The following NT5C1B variants were observed in gnomAD, a reference collection of about 807,000 sequenced individuals.
NT5C1B encodes cytosolic 5'-nucleotidase 1B.
A neutral mutation model predicts 57.8 loss-of-function variants in NT5C1B; 44 were observed. The observed-to-expected ratio is 0.76, with a 90% CI of 0.60 to 0.98. NT5C1B has a LOEUF of 0.98. Among genes scored for constraint, NT5C1B ranks in the 50% least tolerant of loss-of-function variants. The probability of loss-of-function intolerance (pLI) is 0.00; values close to 1 mark genes in which losing one functional copy is unlikely to be tolerated. For missense variants in NT5C1B, 742 were observed against 719.5 expected (o/e 1.03, Z -0.36); for synonymous variants, 284 against 282.6 (o/e 1.00, Z -0.05).
At chr2:18,566,777 C>G (rs1350289226) in intron 8 of NT5C1B, among the ~76,000 whole-genome samples, 2 of 152,112 alleles carry the variant, frequency 1.3e-5, no homozygotes, top group African/African-American at 2.4e-5. Context: ...AAAGCAAATA[C>G]TAGGGAGAGA....
In NT5C1B at chr2:18,584,066, C is replaced by T. The variant is rs1478259300; in HGVS notation, c.891+22G>A. The T allele has an allele frequency of 6.2e-7, 1 of 1,614,180 alleles. No homozygotes were observed. The highest frequency in any genetic ancestry group is 2.2e-5 in the East Asian group (1 of 44,864). On this transcript the variant is annotated intron_variant, in intron 5 of 8. Coordinates refer to ENST00000304081, the Ensembl canonical transcript of NT5C1B. The surrounding 1 kb of genome is among the most constrained non-coding windows in gnomAD (Gnocchi z 5.8). ...CCTCGCCATCGAGTGTCCTGGCGGG[C>T]CAAAGACAGCTTGCAGAATACCTTG...
chr2:18,588,867 C>CA (rs1453662605), intron 1 of NT5C1B, among the ~76,000 whole-genome samples: 1 of 152,190 alleles, frequency 6.6e-6, no homozygotes, highest in East Asian at 1.9e-4. Context: ...CTGCTACTTG[C>CA]ATGCCCTTCA....
intron 6 of NT5C1B, among the ~76,000 whole-genome samples, chr2:18,578,666 A>G (rs1665918021): frequency 6.6e-6 from 1 of 152,158 alleles, no homozygotes; most frequent in Non-Finnish European, 1.5e-5. Flanking sequence ...CTTCAAAATA[A>G]TAAGAGCCAT....
chr2:18,584,756 C>G lies in NT5C1B; in HGVS notation c.481G>C (p.Val161Leu), dbSNP rs772695136. ...TCCCGGGTCTGGCGGATTTCCCGCA[C>G]GATGCCTTGGGCCCAGGCCTCCGGA... The change falls in exon 4 of 9, where the codon GTG becomes CTG. Residue 161 changes from valine to leucine, a missense_variant. Val to Leu is a conservative substitution (Grantham distance 32). Transcript: ENST00000304081. The surrounding 1 kb of genome is among the most constrained non-coding windows in gnomAD (Gnocchi z 5.8). 1.2e-6 allele frequency: 2 copies of G among 1,613,530 alleles called. No homozygotes were observed. The highest frequency in any genetic ancestry group is 1.7e-6 in the Non-Finnish European group (2 of 1,179,764).
intron 1 of NT5C1B, among the ~76,000 whole-genome samples, chr2:18,589,124 A>G (rs1188197112): frequency 1.3e-5 from 2 of 152,252 alleles, no homozygotes; most frequent in Admixed American, 1.3e-4. Context: ...CATTCTTCAA[A>G]GACAGCCACT....
Position 18,586,677 on chromosome 2 carries a change from A to G in NT5C1B, c.121-286T>C. Reference sequence around the variant, plus strand: ...TGACTCCTCTTATGTGGATATTAGTATGGTTCACCATTGTTCCTCCCTTTT... The same window carrying G: ...TGACTCCTCTTATGTGGATATTAGTGTGGTTCACCATTGTTCCTCCCTTTT... On this transcript the variant is annotated intron_variant, in intron 2 of 8. Transcript: ENST00000304081. The G allele has an allele frequency of 1.2e-5, 7 of 579,548 alleles. No homozygotes were observed. In the South Asian group the frequency reaches 1.3e-4, roughly 11 times the overall value. 35.9% of individuals were successfully genotyped at this position (579,548 alleles called of 1,614,324 possible).
Position 18,576,172 on chromosome 2 carries a change from C to A in NT5C1B, c.1329+12G>T. 2.5e-6 allele frequency: 4 copies of A among 1,596,044 alleles called. No homozygotes were observed. Among genetic ancestry groups the A allele is most frequent in the Non-Finnish European group, 3.4e-6 (4 of 1,175,266 alleles). ...AAGTACATAAAAATTAATTAGCACT[C>A]ATTGAACCTACCTGAGCAAGAGGCT... On this transcript the variant is annotated intron_variant, in intron 8 of 8. Coordinates refer to ENST00000304081, the Ensembl canonical transcript of NT5C1B.
exon 6 of NT5C1B, chr2:18,582,928 G>A (rs1666310827): frequency 1.2e-6 from 2 of 1,613,956 alleles, no homozygotes; most frequent in Non-Finnish European, 1.7e-6. Flanking sequence ...TTAGTCATCA[G>A]TACAATATCA....
intron 8 of NT5C1B, among the ~76,000 whole-genome samples, chr2:18,573,866 C>T (rs529636557): frequency 2.4e-4 from 36 of 152,140 alleles, no homozygotes; most frequent in African/African-American, 8.4e-4. Context: ...TAAAGGAAAG[C>T]ATGTATACTA....
chr2:18,585,100 T>A, intron 3 of NT5C1B, 122 bp from the exon 4 acceptor site: 3 of 1,298,204 alleles, frequency 2.3e-6, no homozygotes, highest in Non-Finnish European at 3.3e-6. Flanking sequence ...CTCAGCTCCT[T>A]AAGTAGGGCT....
At chr2:18,586,298 C>T in exon 3 of NT5C1B, 2 of 1,614,104 alleles carry the variant, frequency 1.2e-6, no homozygotes, top group Non-Finnish European at 8.5e-7. Flanking sequence ...ATGGATGGAG[C>T]CTTGGTGGAT....
intron 6 of NT5C1B, among the ~76,000 whole-genome samples, chr2:18,579,124 GA>G (rs561859832): frequency 6.6e-6 from 1 of 151,702 alleles, no homozygotes; most frequent in South Asian, 2.1e-4. Context: ...AAACACTGCG[GA>G]AAAAAAATCA....
At chr2:18,579,044 C>A (rs971218762) in intron 6 of NT5C1B, among the ~76,000 whole-genome samples, 3 of 152,006 alleles carry the variant, frequency 2.0e-5, no homozygotes, top group Non-Finnish European at 4.4e-5. Context: ...TTTGCAATCA[C>A]CACACACAAA....
At chr2:18,576,301 T>C in exon 8 of NT5C1B, 1 of 1,613,848 alleles carries the variant, frequency 6.2e-7, no homozygotes, top group African/African-American at 1.3e-5. Context: ...CATCAAAGGC[T>C]ACACGGAGCT....
At chr2:18,563,966 A>T (rs1388352742) in exon 9 of NT5C1B, 1 of 1,614,212 alleles carries the variant, frequency 6.2e-7, no homozygotes, top group African/African-American at 1.3e-5. Flanking sequence ...TCTAGACCCC[A>T]GCGTCGAAGG....
Position 18,583,003 on chromosome 2 carries a change from G to C in NT5C1B, c.892-6C>G, listed in dbSNP as rs781627190. 9.3e-6 allele frequency: 15 copies of C among 1,612,386 alleles called. No homozygotes were observed. Among genetic ancestry groups the C allele is most frequent in the Non-Finnish European group, 1.3e-5 (15 of 1,179,216 alleles). ...GCATTGACATACTGTAGTGCCTGCA[G>C]GTTACAAACATGAATGTGTGTAAAG... is the stretch of plus-strand genomic sequence containing the variant. On this transcript the variant is annotated splice_region_variant and splice_polypyrimidine_tract_variant and intron_variant, in intron 5 of 8. Transcript: ENST00000304081.
exon 8 of NT5C1B, chr2:18,576,195 G>C: frequency 6.2e-7 from 1 of 1,611,250 alleles, no homozygotes; most frequent in South Asian, 1.1e-5. Context: ...TGAGCAAGAG[G>C]CTTACTTTCA....
rs893759386 is a variant in NT5C1B, at chr2:18,566,563, G to T, written c.1330-2444C>A. ...GCAGTTAGTCTTTAAAACACAGAGG[G>T]GCACAGTTTCCCTTGCTGTTTTTGG... On this transcript the variant is annotated intron_variant, in intron 8 of 8. Coordinates refer to ENST00000304081, the Ensembl canonical transcript of NT5C1B. 2.6e-5 allele frequency among the ~76,000 whole-genome samples: 4 copies of T among 152,184 alleles called. No homozygotes were observed. The South Asian group carries it at 8.3e-4, about 32-fold the overall frequency.
exon 1 of NT5C1B, chr2:18,589,541 C>G: frequency 6.2e-7 from 1 of 1,608,080 alleles, no homozygotes; most frequent in Non-Finnish European, 8.5e-7. Context: ...TGTCACTTCC[C>G]TTGCTCAGTC....
Sources: gnomAD v4.1 joint callset for allele counts (sites outside exome capture counted in the v4.1 genomes callset) on GRCh38, gnomAD v4.1.1 for gene constraint, Gnocchi (gnomAD v3.1) non-coding constraint, MANE v1.5 for transcripts, NCBI Gene and HGNC (gene_info 2026-07-23, HGNC 2026-07-21) for gene names.